Variants in FSTL5 observed in about 807,000 individuals in gnomAD.
FSTL5 encodes follistatin like 5.
A neutral mutation model predicts 89.1 loss-of-function variants in FSTL5; 62 were observed. The ratio of observed to expected loss-of-function variants is 0.70; its 90% CI spans 0.57 to 0.86. The LOEUF (loss-of-function observed/expected upper bound fraction) is 0.86, where lower values mean the gene tolerates loss of function less well. Ranked by LOEUF, FSTL5 falls within the 40% of genes least tolerant of loss-of-function variation. FSTL5 has a pLI of 0.00. For synonymous variants in FSTL5, 383 were observed against 346.2 expected, an observed-to-expected ratio of 1.11 and a Z score of -1.18; for missense variants, 1,057 against 1,001.6, an observed-to-expected ratio of 1.06 and a Z score of -0.75.
At chr4:161,894,604 CT>C (rs1733096269) in intron 4 of FSTL5, among the ~76,000 whole-genome samples, 1 of 152,094 alleles carries the variant, frequency 6.6e-6, no homozygotes, top group Admixed American at 6.5e-5. Context: ...TCAGCCTCTC[CT>C]GTAGCTGGGA....
At chr4:161,626,779 A>T (rs1403169988) in intron 7 of FSTL5, among the ~76,000 whole-genome samples, 1 of 152,216 alleles carries the variant, frequency 6.6e-6, no homozygotes, top group Admixed American at 6.5e-5. Flanking sequence ...TTATGCCAGA[A>T]GGTCAAACAT....
At chr4:161,432,876 A>G (rs13133835) in intron 15 of FSTL5, among the ~76,000 whole-genome samples, 1 of 152,072 alleles carries the variant, frequency 6.6e-6, no homozygotes, top group Admixed American at 6.6e-5. Flanking sequence ...CCAAGATTGA[A>G]CAATGAATAA....
intron 6 of FSTL5, among the ~76,000 whole-genome samples, chr4:161,681,444 T>A (rs1001983509): frequency 6.6e-6 from 1 of 152,094 alleles, no homozygotes; most frequent in Non-Finnish European, 1.5e-5. Flanking sequence ...TTTCCATGAT[T>A]GTCATTAGGG....
chr4:162,124,546 G>A (rs1579047066), intron 1 of FSTL5, among the ~76,000 whole-genome samples: 1 of 152,090 alleles, frequency 6.6e-6, no homozygotes, highest in South Asian at 2.1e-4. Context: ...GGCTTCTTCT[G>A]GGCAGAGGAT....
At chr4:161,484,588 C>T (rs2126459087) in intron 12 of FSTL5, among the ~76,000 whole-genome samples, 1 of 152,194 alleles carries the variant, frequency 6.6e-6, no homozygotes, top group Non-Finnish European at 1.5e-5. Flanking sequence ...CTTCCATTTC[C>T]CAACCTTTCG....
At position 161,708,472 on chromosome 4, in the gene FSTL5, G is replaced by C. The variant is rs1738664497; in HGVS notation, c.727+50939C>G. 3.3e-5 allele frequency among the ~76,000 whole-genome samples: 5 copies of C among 152,114 alleles called. No individual in the cohort carries two copies. The South Asian group carries it at 1.0e-3, about 32-fold the overall frequency. ...TAAAAATCCCCAAAAACTTGAACAA[G>C]TGTGAAACCTGCACTGTGAGTCAGG... On this transcript the variant is annotated intron_variant, in intron 6 of 15. Coordinates refer to ENST00000306100, the MANE Select transcript of FSTL5 (RefSeq NM_020116.5).
chr4:161,537,496 T>C (rs953549124), intron 10 of FSTL5, among the ~76,000 whole-genome samples: 1 of 152,168 alleles, frequency 6.6e-6, no homozygotes, highest in African/African-American at 2.4e-5. Flanking sequence ...TCGGCTATCA[T>C]AAAAAGCAAT....
intron 6 of FSTL5, among the ~76,000 whole-genome samples, chr4:161,692,678 G>A (rs1480126844): frequency 6.6e-6 from 1 of 152,082 alleles, no homozygotes; most frequent in Admixed American, 6.6e-5. Context: ...ACGTGAAGTA[G>A]AGGGACCTCA....
At chr4:161,558,299 T>C (rs750642641) in intron 8 of FSTL5, among the ~76,000 whole-genome samples, 28 of 151,832 alleles carry the variant, frequency 1.8e-4, no homozygotes, top group Admixed American at 3.3e-4. Flanking sequence ...AGGGCTTTTG[T>C]GGTGATGAAA....
intron 4 of FSTL5, among the ~76,000 whole-genome samples, chr4:161,826,577 G>A (rs145212480): frequency 5.3e-5 from 8 of 152,212 alleles, no homozygotes; most frequent in Admixed American, 3.9e-4. Flanking sequence ...CAATGTTTAG[G>A]TGCATACTTA....
intron 4 of FSTL5, among the ~76,000 whole-genome samples, chr4:161,916,955 T>C (rs12504528): frequency 0.81 from 123,942 of 152,106 alleles, 51,435 homozygotes; most frequent in Non-Finnish European, 0.89. Context: ...AAGTTTTTCT[T>C]TTTTTCTTTT....
At chr4:162,109,300 A>C (rs1388023598) in intron 2 of FSTL5, among the ~76,000 whole-genome samples, 1 of 152,052 alleles carries the variant, frequency 6.6e-6, no homozygotes, top group Non-Finnish European at 1.5e-5. Flanking sequence ...TGGGGTTTTT[A>C]CAGGGACTTG....
At chr4:161,428,397 G>C (rs35586441) in intron 15 of FSTL5, among the ~76,000 whole-genome samples, 1 of 152,224 alleles carries the variant, frequency 6.6e-6, no homozygotes, top group East Asian at 1.9e-4. Flanking sequence ...AGGCGACCTA[G>C]GGCGTGGTTG....
intron 3 of FSTL5, among the ~76,000 whole-genome samples, chr4:161,967,171 C>T (rs1264286333): frequency 2.0e-5 from 3 of 151,672 alleles, no homozygotes; most frequent in Non-Finnish European, 4.4e-5. Flanking sequence ...GTTTAGTTTA[C>T]CTGAGATAGT....
At chr4:161,545,975 G>C (rs1731992140) in intron 8 of FSTL5, among the ~76,000 whole-genome samples, 1 of 151,778 alleles carries the variant, frequency 6.6e-6, no homozygotes, top group Non-Finnish European at 1.5e-5. Flanking sequence ...TATTCATCTA[G>C]GCTTCCTGTG....
intron 3 of FSTL5, among the ~76,000 whole-genome samples, chr4:161,968,934 T>TACACACAC (rs147433060): frequency 0.029 from 4,049 of 140,180 alleles, 107 homozygotes; most frequent in African/African-American, 0.066. Context: ...GACACAGACA[T>TACACACAC]ACACACACAC....
rs151159279 is a variant in FSTL5, at chr4:161,649,758, T to C, written c.894+6570A>G. Among the ~76,000 whole-genome samples, 911 of 152,328 alleles carry C rather than the reference T, an allele frequency of 6.0e-3. 9 individuals are homozygous for C. The highest frequency in any genetic ancestry group is 0.045 in the South Asian group (219 of 4,830). ...TTACTAGCCTCCCTGCTATGATTTT[T>C]GTAGTTATTGCATGCCAGAGATCTA... On this transcript the variant is annotated intron_variant, in intron 7 of 15. Coordinates refer to ENST00000306100, the MANE Select transcript of FSTL5 (RefSeq NM_020116.5).
intron 4 of FSTL5, among the ~76,000 whole-genome samples, chr4:161,832,992 T>C (rs1206251599): frequency 6.6e-6 from 1 of 150,698 alleles, no homozygotes; most frequent in Non-Finnish European, 1.5e-5. Flanking sequence ...ATTTTGGATC[T>C]TTCCTGCTTT....
rs561779619 is a variant in FSTL5 at position 161,642,077 on chromosome 4, G to T, written c.894+14251C>A. Among the ~76,000 whole-genome samples, 4 of 152,084 alleles carry T rather than the reference G, an allele frequency of 2.6e-5. No individual in the cohort carries two copies. In the South Asian group the frequency reaches 8.3e-4, roughly 31 times the overall value. ...AAATAAAAAATTTATACATTTAAGA[G>T]ATGCAGCTTGATGATTCGATATATG... On this transcript the variant is annotated intron_variant, in intron 7 of 15. Transcript: ENST00000306100.
Sources: allele counts gnomAD v4.1 joint callset (sites outside exome capture counted in the v4.1 genomes callset), GRCh38; gene constraint gnomAD v4.1.1; transcripts MANE v1.5; gene names NCBI Gene and HGNC (gene_info 2026-07-23, HGNC 2026-07-21).